FAM210A: variants seen among roughly 807,000 people sequenced by gnomAD.
The protein encoded by FAM210A is mitochondrial inner membrane scaffold 1.
Under a neutral mutation model 25.3 loss-of-function variants are expected in FAM210A, and 13 were observed. The ratio of observed to expected loss-of-function variants is 0.51; its 90% CI spans 0.33 to 0.82. The LOEUF (loss-of-function observed/expected upper bound fraction) is 0.82. FAM210A is among the 40% of genes least tolerant of loss of function. The pLI is 0.02. For missense variants in FAM210A, 319 were observed against 323.2 expected, an observed-to-expected ratio of 0.99 and a Z score of 0.10; for synonymous variants, 125 against 118.7, an observed-to-expected ratio of 1.05 and a Z score of -0.35.
chr18:13,687,478 G>T (rs2043607102), intron 1 of FAM210A, among the ~76,000 whole-genome samples: 1 of 152,182 alleles, frequency 6.6e-6, no homozygotes, highest in East Asian at 1.9e-4. Context: ...TCAGGTATTG[G>T]ACGAGTGAGC....
intron 2 of FAM210A, among the ~76,000 whole-genome samples, chr18:13,673,421 G>A (rs1402169983): frequency 1.1e-4 from 16 of 147,210 alleles, no homozygotes; most frequent in African/African-American, 3.5e-4. Context: ...CCTGAGCCCC[G>A]ACTTCATTTC....
chr18:13,705,555 T>TCTGCCTTC (rs1248182662), intron 1 of FAM210A, among the ~76,000 whole-genome samples: 1 of 152,180 alleles, frequency 6.6e-6, no homozygotes, highest in Non-Finnish European at 1.5e-5. Flanking sequence ...CACTGCAACC[T>TCTGCCTTC]CTGCCTTCCG....
chr18:13,719,656 A>G (rs1449337490), intron 1 of FAM210A, among the ~76,000 whole-genome samples: 1 of 152,174 alleles, frequency 6.6e-6, no homozygotes, highest in African/African-American at 2.4e-5. Flanking sequence ...TAATAAACTC[A>G]GAACCTGAAA....
Position 13,681,630 on chromosome 18 carries a change from C to T in FAM210A, c.448G>A (p.Gly150Arg). ...VHLITSGVWF[G>R]TFYYAALKGV... Reference sequence around the variant, plus strand: ...TTCAAGGCTGCATAATAAAATGTTCCAAACCAAACACCAGAAGTTATTAGA... The same window carrying T: ...TTCAAGGCTGCATAATAAAATGTTCTAAACCAAACACCAGAAGTTATTAGA... Residue 150 changes from glycine to arginine, a missense_variant, in exon 2 of 4, where the codon GGA becomes AGA. By Grantham distance (125) the Gly-to-Arg change is moderately radical (BLOSUM62 -2). Transcript: ENST00000651643. 1 of 1,607,076 alleles carries T rather than the reference C, an allele frequency of 6.2e-7. No homozygotes were observed. The highest frequency in any genetic ancestry group is 2.2e-5 in the East Asian group (1 of 44,816).
intron 1 of FAM210A, among the ~76,000 whole-genome samples, chr18:13,684,627 G>A (rs1017116454): frequency 1.3e-5 from 2 of 152,118 alleles, no homozygotes; most frequent in African/African-American, 2.4e-5. Flanking sequence ...TCAACACTCC[G>A]GTCAACAACC....
At chr18:13,702,043 C>T (rs1457321168) in intron 1 of FAM210A, among the ~76,000 whole-genome samples, 1 of 152,182 alleles carries the variant, frequency 6.6e-6, no homozygotes, top group Non-Finnish European at 1.5e-5. Context: ...GACTTTTACC[C>T]GTGGTTCCAC....
intron 1 of FAM210A, among the ~76,000 whole-genome samples, chr18:13,698,222 G>A (rs2043710793): frequency 6.6e-6 from 1 of 151,606 alleles, no homozygotes; most frequent in Admixed American, 6.6e-5. Flanking sequence ...GCATGGTGGC[G>A]GGTGCTGCAA....
rs564359689 is a variant in FAM210A, at chr18:13,682,980, T to C, written c.-28-875A>G. Among the ~76,000 whole-genome samples the C allele has an allele frequency of 5.9e-5, 9 of 152,318 alleles. No homozygotes were observed. In the East Asian group the frequency reaches 1.5e-3, roughly 26 times the overall value. The stretch of plus-strand genomic sequence containing the variant: ...TAATGTTTTGAGGCCTCTTGTTCTA[T>C]AGAAGCAGTGTAGTATAGTGGGGGA... On this transcript the variant is annotated intron_variant, in intron 1 of 3. Transcript: ENST00000651643.
chr18:13,680,174 A>G (rs1449585929), intron 2 of FAM210A, among the ~76,000 whole-genome samples: 4 of 152,368 alleles, frequency 2.6e-5, no homozygotes, highest in South Asian at 4.1e-4. Flanking sequence ...TTTAATATGT[A>G]GAAATCCATT....
At chr18:13,718,097 C>A (rs1601970826) in intron 1 of FAM210A, among the ~76,000 whole-genome samples, 1 of 152,174 alleles carries the variant, frequency 6.6e-6, no homozygotes, top group Non-Finnish European at 1.5e-5. Flanking sequence ...CTGCTTGACA[C>A]TTTGAGATGC....
At chr18:13,687,986 C>A (rs1426342052) in intron 1 of FAM210A, 1 of 152,206 alleles carries the variant, frequency 6.6e-6, no homozygotes, top group Non-Finnish European at 1.5e-5. Flanking sequence ...TACCCCATCT[C>A]ATTAACCTCC....
intron 1 of FAM210A, among the ~76,000 whole-genome samples, chr18:13,717,667 T>G (rs574050368): frequency 6.6e-6 from 1 of 152,166 alleles, no homozygotes; most frequent in Non-Finnish European, 1.5e-5. Flanking sequence ...AATTATGGAT[T>G]AGAGAGCAAA....
rs935969539 is a variant in FAM210A at position 13,668,751 on chromosome 18, C to T, written c.586-2038G>A. 9.9e-5 allele frequency among the ~76,000 whole-genome samples: 15 copies of T among 152,050 alleles called. No individual in the cohort carries two copies. The South Asian group carries it at 1.5e-3, about 15-fold the overall frequency. Reference sequence around the variant, plus strand: ...AAACCTGTACAGCACACTACTGTGCCGAACACAGTAGGCAATTATAAGACC... The same window carrying T: ...AAACCTGTACAGCACACTACTGTGCTGAACACAGTAGGCAATTATAAGACC... On this transcript the variant is annotated intron_variant, in intron 3 of 3. Transcript: ENST00000651643.
At chr18:13,678,281 A>G (rs1304277851) in intron 2 of FAM210A, among the ~76,000 whole-genome samples, 1 of 152,010 alleles carries the variant, frequency 6.6e-6, no homozygotes, top group Non-Finnish European at 1.5e-5. Context: ...TCTAGTTCCA[A>G]TATTTTTTTT....
At chr18:13,722,332 C>A (rs769015730) in intron 1 of FAM210A, among the ~76,000 whole-genome samples, 3 of 151,382 alleles carry the variant, frequency 2.0e-5, no homozygotes, top group Non-Finnish European at 2.9e-5. Context: ...CAGCTAAGGA[C>A]CCCCAGTCAG....
chr18:13,671,690 CA>C (rs59667158), intron 3 of FAM210A, among the ~76,000 whole-genome samples, 171 bp downstream of exon 3: 402 of 79,472 alleles, frequency 5.1e-3, no homozygotes, highest in Middle Eastern at 0.019. Flanking sequence ...ACTCCATCTC[CA>C]AAAAAAAAAA....
At chr18:13,668,270 CCA>C (rs1350715404) in intron 3 of FAM210A, among the ~76,000 whole-genome samples, 1 of 152,182 alleles carries the variant, frequency 6.6e-6, no homozygotes, top group Non-Finnish European at 1.5e-5. Flanking sequence ...TGGAACCATC[CCA>C]CACAGCTTTC....
intron 1 of FAM210A, among the ~76,000 whole-genome samples, chr18:13,685,385 A>G (rs2043588235): frequency 6.6e-6 from 1 of 152,046 alleles, no homozygotes; most frequent in African/African-American, 2.4e-5. Flanking sequence ...TCAATCCTGA[A>G]GCGGTTAACT....
intron 1 of FAM210A, 66 bp downstream of exon 1, chr18:13,726,263 C>G (rs1438001450): frequency 1.3e-5 from 2 of 152,564 alleles, no homozygotes; most frequent in African/African-American, 4.8e-5. Flanking sequence ...CCCGGACACA[C>G]GCCCAGGGTT....
Sources: gnomAD v4.1 joint callset for allele counts (sites outside exome capture counted in the v4.1 genomes callset) on GRCh38, gnomAD v4.1.1 for gene constraint, MANE v1.5 for transcripts, NCBI Gene and HGNC (gene_info 2026-07-23, HGNC 2026-07-21) for gene names.